RAD51B: variants seen among roughly 807,000 people sequenced by gnomAD.
RAD51B encodes DNA repair protein RAD51 homolog 2.
A neutral mutation model predicts 42.2 loss-of-function variants in RAD51B; 38 were observed. The ratio of observed to expected loss-of-function variants is 0.90; its 90% CI spans 0.70 to 1.18. RAD51B has a LOEUF of 1.18. Among genes scored for constraint, RAD51B ranks in the 50% most tolerant of loss-of-function variants. The pLI is 0.00. For synonymous variants in RAD51B, 154 were observed against 145.2 expected, an observed-to-expected ratio of 1.06 and a Z score of -0.43; for missense variants, 373 against 400.7, an observed-to-expected ratio of 0.93 and a Z score of 0.59.
In RAD51B at chr14:68,594,571, C is replaced by T. The variant is rs916289340; in HGVS notation, c.1123C>T (p.Gln375Ter). Residue 375 changes from glutamine (Q) to a stop codon, truncating the protein, a stop_gained, in exon 11 of 11, where the codon CAG becomes TAG. Transcript: ENST00000487270. LOFTEE classifies it high-confidence loss of function. Reference sequence around the variant, plus strand: ...TCAGCCTCCTGAGCAGCTAGGACTACAGATGTGCCACCATACCCAGCTAAT... The same window carrying T: ...TCAGCCTCCTGAGCAGCTAGGACTATAGATGTGCCACCATACCCAGCTAAT... 7.6e-7 allele frequency: 1 copy of T among 1,310,974 alleles called. No individual in the cohort carries two copies. Among genetic ancestry groups the T allele is most frequent in the East Asian group, 4.0e-5 (1 of 24,752 alleles). 81.2% of individuals were successfully genotyped at this position (1,310,974 alleles called of 1,614,324 possible).
chr14:68,559,631 C>T (rs536541265), intron 10 of RAD51B, among the ~76,000 whole-genome samples: 1 of 152,276 alleles, frequency 6.6e-6, no homozygotes, highest in South Asian at 2.1e-4. Context: ...CCACCTGCCT[C>T]AGCCTCCCAA....
At chr14:68,047,275 T>C (rs947188997) in intron 7 of RAD51B, among the ~76,000 whole-genome samples, 9 of 152,158 alleles carry the variant, frequency 5.9e-5, no homozygotes, top group East Asian at 1.9e-4. Context: ...AAAAGTGGTC[T>C]TGTTATTGAG....
exon 11 of RAD51B, chr14:68,611,387 G>A (rs958046921): frequency 1.6e-5 from 10 of 622,460 alleles, no homozygotes; most frequent in East Asian, 1.4e-4. Context: ...AATGTCTCCA[G>A]TGAAAAAGTT....
Position 68,427,808 on chromosome 14 carries a change from A to T in RAD51B, c.957+16281A>T, listed in dbSNP as rs1048650195. ...AATAATGTATTTATATGTGAGAAGG[A>T]CATGAATTTGGGGGGCTGGGGCCAG... is the stretch of plus-strand genomic sequence containing the variant. On this transcript the variant is annotated intron_variant, in intron 9 of 10. Transcript: ENST00000471583. 2.6e-5 allele frequency among the ~76,000 whole-genome samples: 4 copies of T among 152,324 alleles called. No homozygotes were observed. In the East Asian group the frequency reaches 7.7e-4, roughly 29 times the overall value.
chr14:67,864,740 C>T (rs1321708742), intron 4 of RAD51B: 1 of 577,152 alleles, frequency 1.7e-6, no homozygotes, highest in Non-Finnish European at 3.2e-6. Flanking sequence ...ATCTGAACTA[C>T]AAAATACAGT....
chr14:68,346,149 A>G (rs1332104021), intron 8 of RAD51B, among the ~76,000 whole-genome samples: 1 of 152,210 alleles, frequency 6.6e-6, no homozygotes, highest in Non-Finnish European at 1.5e-5. Context: ...TTACATATTT[A>G]TATCCCATCT....
chr14:68,452,805 T>C (rs149744990), intron 9 of RAD51B, among the ~76,000 whole-genome samples: 19 of 152,332 alleles, frequency 1.2e-4, no homozygotes, highest in African/African-American at 4.6e-4. Context: ...ATGAGTGCTA[T>C]TGTGTTCATT....
intron 7 of RAD51B, among the ~76,000 whole-genome samples, chr14:68,272,300 C>G (rs1416777505): frequency 6.6e-6 from 1 of 152,042 alleles, no homozygotes; most frequent in Non-Finnish European, 1.5e-5. Context: ...CTTCCTGGCT[C>G]TATTTCTCAT....
intron 10 of RAD51B, chr14:68,497,286 T>A (rs953963399): frequency 2.5e-5 from 32 of 1,288,942 alleles, no homozygotes; most frequent in Non-Finnish European, 3.2e-5. Context: ...AGACTCAGCT[T>A]AAGTCATGGA....
At chr14:68,421,638 G>GGTGC (rs2084703125) in intron 9 of RAD51B, 3 of 1,338,574 alleles carry the variant, frequency 2.2e-6, no homozygotes, top group East Asian at 2.3e-5. Context: ...GGGGTGGAGG[G>GGTGC]GTGCTCTCCT....
At chr14:68,680,208 C>T (rs549676590) in intron 11 of RAD51B, among the ~76,000 whole-genome samples, 1 of 152,328 alleles carries the variant, frequency 6.6e-6, no homozygotes, top group South Asian at 2.1e-4. Context: ...ATCAACACAA[C>T]AATAAATCAA....
chr14:68,359,778 G>A (rs902082833), intron 8 of RAD51B, among the ~76,000 whole-genome samples: 14 of 152,168 alleles, frequency 9.2e-5, no homozygotes, highest in African/African-American at 3.4e-4. Context: ...GAGTGGTGGT[G>A]GTTCTTTGCC....
At chr14:68,489,268 A>G (rs879291122) in intron 10 of RAD51B, among the ~76,000 whole-genome samples, 4 of 152,196 alleles carry the variant, frequency 2.6e-5, no homozygotes, top group African/African-American at 4.8e-5. Context: ...AGGCATCTGT[A>G]ATGTTATCAC....
intron 9 of RAD51B, among the ~76,000 whole-genome samples, chr14:68,459,400 C>T (rs2085785810): frequency 6.6e-6 from 1 of 152,208 alleles, no homozygotes; most frequent in South Asian, 2.1e-4. Flanking sequence ...ATTTCTGTCG[C>T]AGACACTTGG....
downstream of RAD51B, among the ~76,000 whole-genome samples, chr14:68,482,526 G>A (rs1252016592): frequency 6.6e-6 from 1 of 152,108 alleles, no homozygotes; most frequent in Non-Finnish European, 1.5e-5. Flanking sequence ...AAGGAGAAGT[G>A]CAAAATATCT....
chr14:68,513,519 T>C (rs1021659147), intron 10 of RAD51B, among the ~76,000 whole-genome samples: 2 of 152,182 alleles, frequency 1.3e-5, no homozygotes, highest in African/African-American at 4.8e-5. Flanking sequence ...CATGGGGGCT[T>C]CCAGACACAT....
intron 10 of RAD51B, among the ~76,000 whole-genome samples, chr14:68,533,814 G>A (rs1344832491): frequency 1.3e-5 from 2 of 152,188 alleles, no homozygotes; most frequent in African/African-American, 2.4e-5. Context: ...TCAACTCAGT[G>A]GAATTACTTT....
intron 10 of RAD51B, among the ~76,000 whole-genome samples, chr14:68,632,400 G>A (rs1421073518): frequency 2.6e-5 from 4 of 152,196 alleles, no homozygotes; most frequent in African/African-American, 9.7e-5. Context: ...GGAGCCGCTC[G>A]GCCGTCTGGG....
chr14:68,153,945 A>G (rs1005936327), intron 7 of RAD51B, among the ~76,000 whole-genome samples: 1 of 152,200 alleles, frequency 6.6e-6, no homozygotes, highest in Admixed American at 6.5e-5. Flanking sequence ...TGTGGGGGAG[A>G]AAAGAATCTC....
Sources: gnomAD v4.1 joint callset for allele counts (sites outside exome capture counted in the v4.1 genomes callset) on GRCh38, gnomAD v4.1.1 for gene constraint, MANE v1.5 for transcripts, NCBI Gene and HGNC (gene_info 2026-07-23, HGNC 2026-07-21) for gene names.